Variants in AFG2A observed in about 807,000 individuals in gnomAD.
AFG2A encodes the protein AAA ATPase AFG2A, also known as ATPase family gene 2 protein homolog A.
the AFG2A span, among the ~76,000 whole-genome samples, chr4:123,012,140 T>A: frequency 7.8e-6 from 1 of 127,672 alleles, no homozygotes; most frequent in South Asian, 2.8e-4. Context: ...GTGGGGATGC[T>A]TGCCCCCCAG....
chr4:122,963,215 A>AT, the AFG2A span, among the ~76,000 whole-genome samples: 10 of 152,344 alleles, frequency 6.6e-5, no homozygotes, highest in Non-Finnish European at 1.5e-4. Flanking sequence ...TAAGTACAAT[A>AT]CAGTGTGTTG....
chr4:122,959,327 G>T, the AFG2A span, among the ~76,000 whole-genome samples: 4 of 152,114 alleles, frequency 2.6e-5, no homozygotes, highest in African/African-American at 9.7e-5. Flanking sequence ...AAGAGAAAAT[G>T]AATGTCTTAA....
At chr4:123,229,856 A>C in the AFG2A span, among the ~76,000 whole-genome samples, 1 of 151,986 alleles carries the variant, frequency 6.6e-6, no homozygotes, top group African/African-American at 2.4e-5. Context: ...TTTGGGAATC[A>C]TTTATATGCA....
chr4:123,280,253 AG>A, the AFG2A span, among the ~76,000 whole-genome samples: 1 of 152,226 alleles, frequency 6.6e-6, no homozygotes, highest in Admixed American at 6.5e-5. Context: ...GGCATTATGA[AG>A]ATTGGAAATA....
At chr4:123,022,371 A>G in the AFG2A span, among the ~76,000 whole-genome samples, 10 of 152,168 alleles carry the variant, frequency 6.6e-5, no homozygotes, top group East Asian at 7.7e-4. Context: ...AAAAGTGGGC[A>G]AAGGATATGA....
the AFG2A span, among the ~76,000 whole-genome samples, chr4:123,003,523 A>G: frequency 6.6e-6 from 1 of 152,184 alleles, no homozygotes; most frequent in Non-Finnish European, 1.5e-5. Context: ...TCCTTCTAAC[A>G]GACAGGACCC....
the AFG2A span, chr4:122,935,640 G>C: frequency 4.1e-6 from 6 of 1,462,176 alleles, no homozygotes; most frequent in South Asian, 8.0e-5. Flanking sequence ...TATAACTCAT[G>C]TTTGAACTTG....
chr4:123,267,520 AGTC>A, the AFG2A span, among the ~76,000 whole-genome samples: 1 of 152,068 alleles, frequency 6.6e-6, no homozygotes, highest in Non-Finnish European at 1.5e-5. Context: ...TTCAAAATGA[AGTC>A]ACACTACTTT....
chr4:123,074,645 A>G, the AFG2A span, among the ~76,000 whole-genome samples: 1,842 of 152,086 alleles, frequency 0.012, 44 homozygotes, highest in African/African-American at 0.041. Flanking sequence ...GTGAAATTCA[A>G]CTTTTTAAAA....
At chr4:122,993,176 AGAGAT>A in the AFG2A span, among the ~76,000 whole-genome samples, 2 of 151,094 alleles carry the variant, frequency 1.3e-5, no homozygotes, top group Admixed American at 1.3e-4. Flanking sequence ...TTTTTTTAGT[AGAGAT>A]GAGGTTTTAC....
chr4:123,088,421 GT>G, the AFG2A span, among the ~76,000 whole-genome samples: 1 of 152,168 alleles, frequency 6.6e-6, no homozygotes, highest in Non-Finnish European at 1.5e-5. Context: ...TACTATGCTT[GT>G]AGTAATTATG....
At chr4:123,170,341 A>G in the AFG2A span, among the ~76,000 whole-genome samples, 1 of 152,248 alleles carries the variant, frequency 6.6e-6, no homozygotes, top group Non-Finnish European at 1.5e-5. Flanking sequence ...TTCACGCAGT[A>G]GCACAAATAA....
At chr4:123,050,044 C>T in the AFG2A span, among the ~76,000 whole-genome samples, 1 of 150,220 alleles carries the variant, frequency 6.7e-6, no homozygotes, top group African/African-American at 2.4e-5. Context: ...TTAAAATTTT[C>T]TTTTTTTTTG....
At chr4:123,009,911 G>A in the AFG2A span, among the ~76,000 whole-genome samples, 1 of 152,022 alleles carries the variant, frequency 6.6e-6, no homozygotes, top group Non-Finnish European at 1.5e-5. Flanking sequence ...TGCCAGATTT[G>A]TTCTCAGTGG....
the AFG2A span, among the ~76,000 whole-genome samples, chr4:123,146,653 C>T: frequency 0.61 from 92,675 of 152,092 alleles, 33,089 homozygotes; most frequent in East Asian, 0.97. Flanking sequence ...CAGTACCAAA[C>T]GAAACAAAGA....
chr4:123,226,618 T>A, the AFG2A span, among the ~76,000 whole-genome samples: 117 of 152,292 alleles, frequency 7.7e-4, no homozygotes, highest in Non-Finnish European at 1.4e-3. Flanking sequence ...TTGCCAGTAT[T>A]TTATTGAAGA....
At chr4:123,206,295 T>C in the AFG2A span, among the ~76,000 whole-genome samples, 1 of 152,084 alleles carries the variant, frequency 6.6e-6, no homozygotes, top group Non-Finnish European at 1.5e-5. Flanking sequence ...AAATGTTGAA[T>C]TTAGAGACAT....
the AFG2A span, chr4:122,933,470 C>T: frequency 8.1e-6 from 13 of 1,612,272 alleles, no homozygotes; most frequent in African/African-American, 1.3e-5. Flanking sequence ...TGAAGAAGAA[C>T]TGACTGGTTG....
chr4:123,157,692 C>T, the AFG2A span, among the ~76,000 whole-genome samples: 13 of 152,134 alleles, frequency 8.5e-5, no homozygotes, highest in Admixed American at 3.9e-4. Context: ...AATTAGTTCA[C>T]GTAAAACAAA....
Sources: gnomAD v4.1 joint callset for allele counts (sites outside exome capture counted in the v4.1 genomes callset) on GRCh38, gnomAD v4.1.1 for gene constraint, MANE v1.5 for transcripts, NCBI Gene and HGNC (gene_info 2026-07-23, HGNC 2026-07-21) for gene names.